PPM1L: variants seen among roughly 807,000 people sequenced by gnomAD.
PPM1L encodes the protein protein phosphatase, Mg2+/Mn2+ dependent 1L.
In PPM1L, 13 loss-of-function variants were observed where a neutral mutation model predicts 31.4. That is an observed-to-expected ratio of 0.41 (90% CI 0.27 to 0.66). The LOEUF (loss-of-function observed/expected upper bound fraction) is 0.66, where lower values mean the gene tolerates loss of function less well. Among genes scored for constraint, PPM1L ranks in the 30% least tolerant of loss-of-function variants. The probability of loss-of-function intolerance (pLI) is 0.29; values close to 1 mark genes in which losing one functional copy is unlikely to be tolerated. For missense variants in PPM1L, 326 were observed against 453.7 expected (o/e 0.72, Z 2.56); for synonymous variants, 184 against 175.4 (o/e 1.05, Z -0.39).
At chr3:160,960,539 T>TGTTC (rs1715924359) in intron 1 of PPM1L, among the ~76,000 whole-genome samples, 1 of 150,138 alleles carries the variant, frequency 6.7e-6, no homozygotes, top group Non-Finnish European at 1.5e-5. Flanking sequence ...TTTGTTTGTT[T>TGTTC]GTTCGTTTTT....
At chr3:160,798,007 G>A (rs1005438792) in intron 1 of PPM1L, among the ~76,000 whole-genome samples, 9 of 152,064 alleles carry the variant, frequency 5.9e-5, no homozygotes, top group South Asian at 2.1e-4. Context: ...GTGAAACCCC[G>A]TCTCTACTAA....
In PPM1L at chr3:160,876,220, C is replaced by G. The variant is rs908610229; in HGVS notation, c.400-85516C>G. 4.6e-4 allele frequency among the ~76,000 whole-genome samples: 70 copies of G among 152,170 alleles called. 3 individuals carry two copies. The highest frequency in any genetic ancestry group is 1.2e-4 in the Non-Finnish European group (8 of 68,024). On this transcript the variant is annotated intron_variant, in intron 1 of 3. Transcript: ENST00000498165. Reference sequence around the variant, plus strand: ...TGTTTAAAGTAGAAGATTCCTACCTCTAATGCTTCAGATTTGAGTAACTTA... The same window carrying G: ...TGTTTAAAGTAGAAGATTCCTACCTGTAATGCTTCAGATTTGAGTAACTTA...
chr3:161,022,238 C>A (rs980048499), intron 2 of PPM1L: 13 of 615,894 alleles, frequency 2.1e-5, no homozygotes, highest in Non-Finnish European at 3.7e-5. Flanking sequence ...AAACTAATTT[C>A]GATTTTAAAC....
intron 1 of PPM1L, among the ~76,000 whole-genome samples, chr3:160,821,123 G>C (rs16831516): frequency 0.091 from 13,890 of 151,928 alleles, 970 homozygotes; most frequent in African/African-American, 0.19. Flanking sequence ...GAGAATCACC[G>C]GTCATGGCCC....
chr3:160,907,961 T>C (rs920615937), intron 1 of PPM1L, among the ~76,000 whole-genome samples: 1 of 152,146 alleles, frequency 6.6e-6, no homozygotes, highest in African/African-American at 2.4e-5. Context: ...GTGAGCCCAG[T>C]TGATGCAGGC....
chr3:160,971,148 CAT>C, intron 2 of PPM1L, among the ~76,000 whole-genome samples: 1 of 152,270 alleles, frequency 6.6e-6, no homozygotes. Flanking sequence ...AGTACCGAAA[CAT>C]GTAATTTACA....
At position 160,944,823 on chromosome 3, in the gene PPM1L, A is replaced by ATATAACATGTATATGT. The variant is rs1559896985; in HGVS notation, c.400-16909_400-16908insACATGTATATGTTATA. ...ATAACATATATAACATATATATGTT[A>ATATAACATGTATATGT]TATATAACATATATATGTTATATAT... On this transcript the variant is annotated intron_variant, in intron 1 of 3. Transcript: ENST00000498165. 1.8e-4 allele frequency among the ~76,000 whole-genome samples: 3 copies of ATATAACATGTATATGT among 16,698 alleles called. 1 individual carries two copies. The highest frequency in any genetic ancestry group is 2.9e-4 in the Non-Finnish European group (2 of 6,852). The allele number at this position is 16,698 out of a possible 152,430, so 11.0% of individuals were successfully genotyped here.
At chr3:160,954,010 C>T (rs965738944) in intron 1 of PPM1L, among the ~76,000 whole-genome samples, 2 of 152,148 alleles carry the variant, frequency 1.3e-5, no homozygotes, top group Non-Finnish European at 2.9e-5. Flanking sequence ...CCACAGTACG[C>T]ATTGCCATCT....
chr3:161,058,425 C>T (rs921726070), intron 2 of PPM1L, among the ~76,000 whole-genome samples: 1 of 151,926 alleles, frequency 6.6e-6, no homozygotes, highest in Admixed American at 6.6e-5. Context: ...ACACCCAGCC[C>T]ATCATTTTCA....
intron 1 of PPM1L, among the ~76,000 whole-genome samples, chr3:160,942,973 C>T (rs1715211093): frequency 6.6e-6 from 1 of 151,540 alleles, no homozygotes; most frequent in Non-Finnish European, 1.5e-5. Flanking sequence ...TTTTAAGCTA[C>T]CTGGAACATT....
intron 1 of PPM1L, among the ~76,000 whole-genome samples, chr3:160,817,026 T>A (rs768907241): frequency 5.3e-5 from 8 of 151,956 alleles, no homozygotes; most frequent in Non-Finnish European, 8.8e-5. Context: ...GAAAAGACAA[T>A]GAGTATAAGA....
intron 1 of PPM1L, among the ~76,000 whole-genome samples, chr3:160,849,548 G>GT (rs1177628412): frequency 6.6e-6 from 1 of 151,710 alleles, no homozygotes; most frequent in East Asian, 1.9e-4. Context: ...AGCCTCCCGA[G>GT]TAGCTGGGAC....
chr3:160,808,289 C>CTGTGTGTG (rs10545216), intron 1 of PPM1L, among the ~76,000 whole-genome samples: 51 of 136,212 alleles, frequency 3.7e-4, no homozygotes, highest in Admixed American at 1.3e-3. Context: ...GGATTTTCCT[C>CTGTGTGTG]TGTGTGTGTG....
At chr3:160,852,309 A>C (rs550453101) in intron 1 of PPM1L, among the ~76,000 whole-genome samples, 12 of 152,316 alleles carry the variant, frequency 7.9e-5, no homozygotes, top group Middle Eastern at 3.4e-3. Context: ...ACAAAAACAA[A>C]AAAAAATAAA....
rs182758419 is a variant in PPM1L at position 160,904,632 on chromosome 3, T to C, written c.400-57104T>C. On this transcript the variant is annotated intron_variant, in intron 1 of 3. Transcript: ENST00000498165. ...CCTTGCCTTGTTAAGGTATCAGTGC[T>C]ACATTATTGATAGCTGCACTTATAA... Among the ~76,000 whole-genome samples the C allele has an allele frequency of 2.3e-3, 350 of 152,214 alleles. 2 individuals are homozygous for C. The highest frequency in any genetic ancestry group is 7.9e-3 in the African/African-American group (329 of 41,540).
intron 1 of PPM1L, among the ~76,000 whole-genome samples, chr3:160,873,286 T>C (rs1712383723): frequency 1.3e-5 from 2 of 152,194 alleles, no homozygotes; most frequent in African/African-American, 4.8e-5. Context: ...CTGCTTATAT[T>C]CTGTAAACAA....
chr3:160,841,746 C>G (rs1342905648), intron 1 of PPM1L, among the ~76,000 whole-genome samples: 1 of 152,126 alleles, frequency 6.6e-6, no homozygotes, highest in East Asian at 1.9e-4. Flanking sequence ...GTTACACTCT[C>G]CTGGCTTGAT....
rs1576800406 is a variant in PPM1L at position 161,040,056 on chromosome 3, G to A, written c.575-25347G>A. ...GGGTATAAATCTACTGGGTTTGGATGTGGAATGGGTTGGTTATTTCATTTG... is the reference window on the plus strand; with the variant it reads ...GGGTATAAATCTACTGGGTTTGGATATGGAATGGGTTGGTTATTTCATTTG... On this transcript the variant is annotated intron_variant, in intron 2 of 3. Coordinates refer to ENST00000498165, the MANE Select transcript of PPM1L (RefSeq NM_139245.4). 2.6e-5 allele frequency among the ~76,000 whole-genome samples: 4 copies of A among 152,304 alleles called. 1 individual carries two copies. The South Asian group carries it at 6.2e-4, about 24-fold the overall frequency.
intron 1 of PPM1L, among the ~76,000 whole-genome samples, chr3:160,876,037 T>A (rs188475495): frequency 6.6e-6 from 1 of 152,318 alleles, no homozygotes; most frequent in East Asian, 1.9e-4. Flanking sequence ...CCAAATCTAT[T>A]AGGAAGAATA....
Sources: gnomAD v4.1 joint callset for allele counts (sites outside exome capture counted in the v4.1 genomes callset) on GRCh38, gnomAD v4.1.1 for gene constraint, MANE v1.5 for transcripts, NCBI Gene and HGNC (gene_info 2026-07-23, HGNC 2026-07-21) for gene names.